The following POSTN variants were observed in gnomAD, a reference collection of about 807,000 sequenced individuals.
POSTN encodes the protein periostin.
A neutral mutation model predicts 104.5 loss-of-function variants in POSTN; 71 were observed. The observed-to-expected ratio is 0.68, with a 90% CI of 0.56 to 0.83. The LOEUF is 0.83. POSTN is among the 40% of genes least tolerant of loss of function. The pLI, the probability that POSTN is intolerant of heterozygous loss-of-function variation, is 0.00. For synonymous variants in POSTN, 355 were observed against 340.7 expected, an observed-to-expected ratio of 1.04 and a Z score of -0.46; for missense variants, 949 against 1,006.8, an observed-to-expected ratio of 0.94 and a Z score of 0.78.
intron 5 of POSTN, 134 bp from the exon 6 acceptor site, chr13:37,587,062 G>A (rs1179021962): frequency 1.7e-5 from 12 of 726,746 alleles, no homozygotes; most frequent in South Asian, 9.4e-5. Flanking sequence ...AAATGTAAAC[G>A]CTGTGGATGA....
intron 6 of POSTN, 24 bp downstream of exon 6, chr13:37,586,758 A>G: frequency 1.3e-6 from 2 of 1,597,964 alleles, no homozygotes; most frequent in Non-Finnish European, 1.7e-6. Context: ...TCAATGACTC[A>G]AGACAATCTG....
intron 2 of POSTN, among the ~76,000 whole-genome samples, chr13:37,592,994 T>G (rs918379941): frequency 1.3e-5 from 2 of 148,384 alleles, no homozygotes; most frequent in Non-Finnish European, 1.5e-5. Context: ...TTGGTAGGAT[T>G]ATTAATTGTA....
rs150724901 is a variant in POSTN, at chr13:37,565,454, C to T, written c.2432-894G>A. The T allele has an allele frequency of 9.5e-4, 144 of 152,016 alleles. 1 individual carries two copies. Among genetic ancestry groups the T allele is most frequent in the African/African-American group, 3.3e-3 (138 of 41,502 alleles). 9.4% of individuals were successfully genotyped at this position (152,016 alleles called of 1,614,324 possible). A position where few individuals can be genotyped will look rare whatever the true frequency, so the allele number is the denominator to read the frequency against. Reference sequence around the variant, plus strand: ...TTTTATATGTATCATCTATACTCAGCATGAAGTCCAGTTTTTTCTATTATA... The same window carrying T: ...TTTTATATGTATCATCTATACTCAGTATGAAGTCCAGTTTTTTCTATTATA... On this transcript the variant is annotated intron_variant, in intron 21 of 22. Coordinates refer to ENST00000379747, the MANE Select transcript of POSTN (RefSeq NM_006475.3).
intron 5 of POSTN, among the ~76,000 whole-genome samples, chr13:37,587,257 G>A (rs1329311156): frequency 6.6e-6 from 1 of 152,034 alleles, no homozygotes; most frequent in Non-Finnish European, 1.5e-5. Context: ...CAATGAATTA[G>A]GTAAAGAAGT....
intron 19 of POSTN, among the ~76,000 whole-genome samples, chr13:37,570,367 A>C (rs1319591253): frequency 6.6e-6 from 1 of 151,816 alleles, no homozygotes; most frequent in Non-Finnish European, 1.5e-5. Context: ...ATGTAATAAA[A>C]ACAAATGCTT....
intron 21 of POSTN, chr13:37,565,299 T>C (rs1480241846): frequency 6.6e-6 from 1 of 152,036 alleles, no homozygotes; most frequent in Non-Finnish European, 1.5e-5. Flanking sequence ...TTGACAAGAC[T>C]ACCTGGTCGG....
At chr13:37,571,639 C>A (rs903767006) in intron 17 of POSTN, 181 bp from the exon 18 acceptor site, 1 of 503,986 alleles carries the variant, frequency 2.0e-6, no homozygotes, top group Non-Finnish European at 3.5e-6. Context: ...GTTATGAGAA[C>A]AAATGATTTA....
At chr13:37,568,013 A>AG (rs1950165256) in intron 21 of POSTN, among the ~76,000 whole-genome samples, 1 of 151,586 alleles carries the variant, frequency 6.6e-6, no homozygotes, top group Non-Finnish European at 1.5e-5. Context: ...CTGAAAGAAA[A>AG]AAAAAAGAAT....
intron 3 of POSTN, among the ~76,000 whole-genome samples, chr13:37,591,198 C>A (rs752058947): frequency 1.3e-5 from 2 of 151,932 alleles, no homozygotes; most frequent in African/African-American, 2.4e-5. Flanking sequence ...GAAATTGAGT[C>A]AAAATGAACA....
intron 2 of POSTN, among the ~76,000 whole-genome samples, chr13:37,592,585 A>T (rs2138382556): frequency 6.6e-6 from 1 of 152,296 alleles, no homozygotes; most frequent in Admixed American, 6.5e-5. Flanking sequence ...GGCATGAGCC[A>T]CTGCGCCCGG....
chr13:37,585,493 C>T (rs1248338186), intron 7 of POSTN, among the ~76,000 whole-genome samples: 1 of 152,118 alleles, frequency 6.6e-6, no homozygotes, highest in Admixed American at 6.6e-5. Context: ...TCGATAGAGG[C>T]TGAGGATAAG....
Position 37,582,452 on chromosome 13 carries a change from C to T in POSTN, c.1306G>A (p.Val436Ile), listed in dbSNP as rs766941276. 2.5e-6 allele frequency: 4 copies of T among 1,613,598 alleles called. No homozygotes were observed. In the Admixed American group the frequency reaches 5.0e-5, roughly 20 times the overall value. Residue 436 changes from valine to isoleucine, a missense_variant, in exon 10 of 23, where the codon GTA (valine) becomes ATA (isoleucine). Coordinates refer to ENST00000379747, the MANE Select transcript of POSTN (RefSeq NM_006475.3). ...TAAAGCTCATTAAGGCCAACTTTTA[C>T]TTTCAATATGTGATTCTGCAGAATT... ...KLILQNHILK[V>I]KVGLNELYNG...
rs780876191 is a variant in POSTN at position 37,586,830 on chromosome 13, G to C, written c.705C>G (p.Thr235=). The C allele has an allele frequency of 6.2e-7, 1 of 1,612,864 alleles. No homozygotes were observed. The highest frequency in any genetic ancestry group is 1.1e-5 in the South Asian group (1 of 91,020). Residue 235 remains threonine, a synonymous_variant, in exon 6 of 23, where the codon ACC becomes ACG. Transcript: ENST00000379747. The part of the protein sequence containing the change: ...VIDRVLTQIG[T]SIQDFIEAED... ...CTGCTTCAATGAAGTCTTGAATTGA[G>C]GTACCAATTTGTGTAAGCACACGGT...
chr13:37,574,526 A>C, intron 17 of POSTN, 46 bp downstream of exon 17: 3 of 1,543,990 alleles, frequency 1.9e-6, no homozygotes, highest in Non-Finnish European at 2.6e-6. Flanking sequence ...GTATTTTTAC[A>C]GATGTTTTTA....
intron 3 of POSTN, among the ~76,000 whole-genome samples, chr13:37,591,326 A>G (rs541085443): frequency 1.3e-5 from 2 of 152,202 alleles, no homozygotes; most frequent in Non-Finnish European, 2.9e-5. Flanking sequence ...AATTGATTCT[A>G]AATTCAATAT....
chr13:37,571,673 T>A (rs1950266459), intron 17 of POSTN: 1 of 455,338 alleles, frequency 2.2e-6, no homozygotes, highest in African/African-American at 2.1e-5. Flanking sequence ...CTACTAAAAT[T>A]ACTTTCATCT....
intron 19 of POSTN, 30 bp downstream of exon 19, chr13:37,570,550 C>G (rs1950234201): frequency 7.2e-7 from 1 of 1,380,170 alleles, no homozygotes. Context: ...ATAATCTAGG[C>G]ATAGATCCAT....
chr13:37,585,991 G>A (rs1257228124), intron 7 of POSTN, 148 bp downstream of exon 7: 4 of 575,096 alleles, frequency 7.0e-6, no homozygotes, highest in African/African-American at 3.7e-5. Context: ...CTCTTTTAAG[G>A]ACTTTTGGAA....
chr13:37,580,015 A>G, intron 11 of POSTN, 24 bp from the exon 12 acceptor site: 1 of 1,603,712 alleles, frequency 6.2e-7, no homozygotes, highest in Non-Finnish European at 8.5e-7. Context: ...ATGTATATGT[A>G]TTTTGTCAGA....
Sources: gnomAD v4.1 joint callset for allele counts (sites outside exome capture counted in the v4.1 genomes callset) on GRCh38, gnomAD v4.1.1 for gene constraint, MANE v1.5 for transcripts, NCBI Gene and HGNC (gene_info 2026-07-23, HGNC 2026-07-21) for gene names.